The following BLK variants were observed in gnomAD, a reference collection of about 807,000 sequenced individuals.
The protein encoded by BLK is tyrosine-protein kinase Blk.
BLK carries 64 observed loss-of-function variants against 61.8 expected under a neutral mutation model. The observed-to-expected ratio is 1.03, with a 90% CI of 0.85 to 1.27. BLK has a LOEUF of 1.27. Among genes scored for constraint, BLK ranks in the 50% most tolerant of loss-of-function variants. The pLI, the probability that BLK is intolerant of heterozygous loss-of-function variation, is 0.00. For synonymous variants in BLK, 351 were observed against 272.0 expected (o/e 1.29, Z -2.86); for missense variants, 853 against 660.5 (o/e 1.29, Z -3.19).
rs142215566 is a variant in BLK, at chr8:11,513,476, T to A, written c.-2+18885T>A. Among the ~76,000 whole-genome samples the A allele has an allele frequency of 2.0e-3, 306 of 152,284 alleles. 3 individuals are homozygous for A. Among genetic ancestry groups the A allele is most frequent in the African/African-American group, 6.9e-3 (285 of 41,552 alleles). ...GACCATCTCCAGGCTGCACACTTTT[T>A]CTCTGCAGCTGTGAGCAGAGCCCAG... On this transcript the variant is annotated intron_variant, in intron 1 of 12. Transcript: ENST00000259089.
Position 11,524,342 on chromosome 8 carries a change from G to A in BLK, c.-1-18882G>A, listed in dbSNP as rs369910420. On this transcript the variant is annotated intron_variant, in intron 1 of 12. Transcript: ENST00000259089. Reference sequence around the variant, plus strand: ...ACAACGATTTTCCATTGGTGGTAGGGTTGTAACTGATTTTTTTTCCTTTGC... The same window carrying A: ...ACAACGATTTTCCATTGGTGGTAGGATTGTAACTGATTTTTTTTCCTTTGC... Among the ~76,000 whole-genome samples, 94 of 152,240 alleles carry A rather than the reference G, an allele frequency of 6.2e-4. No homozygotes were observed. In the South Asian group the frequency reaches 0.014, roughly 23 times the overall value.
chr8:11,520,437 A>G (rs1434269317), intron 1 of BLK, among the ~76,000 whole-genome samples: 3 of 138,412 alleles, frequency 2.2e-5, no homozygotes, highest in Non-Finnish European at 4.5e-5. Flanking sequence ...TGATCATGCC[A>G]CACACTTCCA....
chr8:11,515,030 C>A (rs1799167655), intron 1 of BLK, among the ~76,000 whole-genome samples: 1 of 152,180 alleles, frequency 6.6e-6, no homozygotes, highest in Admixed American at 6.5e-5. Flanking sequence ...CCCCGACAAG[C>A]TGCTGCTCTG....
chr8:11,519,365 C>G (rs1177041397), intron 1 of BLK, among the ~76,000 whole-genome samples: 2 of 152,096 alleles, frequency 1.3e-5, no homozygotes, highest in Non-Finnish European at 2.9e-5. Context: ...GGTATTGAAC[C>G]AAAGCAATTT....
At chr8:11,514,050 G>A (rs1475145963) in intron 1 of BLK, among the ~76,000 whole-genome samples, 5 of 152,188 alleles carry the variant, frequency 3.3e-5, no homozygotes, top group African/African-American at 1.2e-4. Context: ...TAATGACACA[G>A]GATCTGCCAA....
rs560258159 is a variant in BLK, at chr8:11,551,749, C to T, written c.472+1487C>T. Among the ~76,000 whole-genome samples the T allele has an allele frequency of 1.1e-4, 17 of 152,254 alleles. No individual in the cohort carries two copies. The South Asian group carries it at 3.3e-3, about 30-fold the overall frequency. On this transcript the variant is annotated intron_variant, in intron 6 of 12. Transcript: ENST00000259089. ...GAACCCTATTATGGTCCCTGGTGCT[C>T]ACTGGCCACTAGCTTTTCGTCTGTA...
chr8:11,519,567 T>G (rs76850265), intron 1 of BLK, among the ~76,000 whole-genome samples: 19 of 152,346 alleles, frequency 1.2e-4, no homozygotes, highest in Non-Finnish European at 2.8e-4. Context: ...ATACAAAAGT[T>G]TATGTACAGC....
chr8:11,559,564 C>T (rs1306878369), intron 10 of BLK, among the ~76,000 whole-genome samples: 1 of 152,176 alleles, frequency 6.6e-6, no homozygotes, highest in Non-Finnish European at 1.5e-5. Context: ...TGAGCAGACA[C>T]ACACCCGGCC....
intron 1 of BLK, among the ~76,000 whole-genome samples, chr8:11,524,366 G>A (rs1663311288): frequency 1.3e-5 from 2 of 151,818 alleles, no homozygotes; most frequent in African/African-American, 4.8e-5. Flanking sequence ...TTTTTCCTTT[G>A]CGTAGATGAG....
intron 1 of BLK, among the ~76,000 whole-genome samples, chr8:11,497,000 G>A (rs527429453): frequency 3.3e-5 from 5 of 152,204 alleles, no homozygotes; most frequent in East Asian, 1.9e-4. Flanking sequence ...CAGGGTTCAC[G>A]TGTATAGAGA....
At chr8:11,506,006 G>A (rs1157460426) in intron 1 of BLK, among the ~76,000 whole-genome samples, 1 of 152,216 alleles carries the variant, frequency 6.6e-6, no homozygotes, top group South Asian at 2.1e-4. Flanking sequence ...TCCCCGCCAG[G>A]CATGACAAAT....
In BLK at chr8:11,530,264, T is replaced by C. The variant is rs554052955; in HGVS notation, c.-1-12960T>C. Among the ~76,000 whole-genome samples the C allele has an allele frequency of 1.4e-4, 22 of 152,308 alleles. 1 individual carries two copies. The highest frequency in any genetic ancestry group is 5.3e-4 in the African/African-American group (22 of 41,566). ...TTGTGCCTGCAGATACTTGTATGAATTGGGTGAATTCCTTTCTTCTTGAGG... is the reference window on the plus strand; with the variant it reads ...TTGTGCCTGCAGATACTTGTATGAACTGGGTGAATTCCTTTCTTCTTGAGG... On this transcript the variant is annotated intron_variant, in intron 1 of 12. Coordinates refer to ENST00000259089, the MANE Select transcript of BLK (RefSeq NM_001715.3).
At chr8:11,522,091 C>T (rs1799474524) in intron 1 of BLK, among the ~76,000 whole-genome samples, 1 of 152,046 alleles carries the variant, frequency 6.6e-6, no homozygotes, top group Non-Finnish European at 1.5e-5. Flanking sequence ...TCTTTAACAT[C>T]GTTCAGTAAA....
intron 1 of BLK, among the ~76,000 whole-genome samples, chr8:11,516,730 AG>A (rs1374056345): frequency 9.2e-5 from 14 of 152,320 alleles, no homozygotes; most frequent in African/African-American, 3.4e-4. Context: ...AATGCCTTCA[AG>A]GCTCACCCAT....
At chr8:11,539,027 G>A (rs1800258633) in intron 1 of BLK, among the ~76,000 whole-genome samples, 1 of 152,044 alleles carries the variant, frequency 6.6e-6, no homozygotes, top group East Asian at 1.9e-4. Context: ...AAATACTTTG[G>A]TGGGACCTGC....
intron 1 of BLK, among the ~76,000 whole-genome samples, chr8:11,526,498 C>T (rs1799655848): frequency 6.6e-6 from 1 of 152,184 alleles, no homozygotes; most frequent in South Asian, 2.1e-4. Flanking sequence ...GCGGGTGGGT[C>T]ACCTGAGGTC....
In BLK at chr8:11,543,290, A is replaced by G. The variant is rs145993253; in HGVS notation, c.66A>G (p.Gln22=). ...CGATCAAAGAGAAGGACAAGGGCCA[A>G]TGGAGCCCCCTGAAGGTCAGCGCCC... The part of the protein sequence containing the change: ...EKPIKEKDKG[Q]WSPLKVSAQD... The change falls in exon 2 of 13, where the codon CAA becomes CAG. Residue 22 remains glutamine, a synonymous_variant. Coordinates refer to ENST00000259089, the MANE Select transcript of BLK (RefSeq NM_001715.3). 12 of 1,613,858 alleles carry G rather than the reference A, an allele frequency of 7.4e-6. No individual in the cohort carries two copies. The highest frequency in any genetic ancestry group is 4.5e-5 in the East Asian group (2 of 44,884).
At chr8:11,517,750 C>T (rs1799283723) in intron 1 of BLK, among the ~76,000 whole-genome samples, 4 of 152,184 alleles carry the variant, frequency 2.6e-5, no homozygotes, top group Admixed American at 2.0e-4. Context: ...GGCTGCTGAA[C>T]GCACCTGAGG....
At chr8:11,495,880 C>G (rs1405901471) in intron 1 of BLK, among the ~76,000 whole-genome samples, 1 of 152,146 alleles carries the variant, frequency 6.6e-6, no homozygotes, top group East Asian at 1.9e-4. Context: ...TTAGAAGAAC[C>G]TGGTGAAGGA....
Sources: gnomAD v4.1 joint callset for allele counts (sites outside exome capture counted in the v4.1 genomes callset) on GRCh38, gnomAD v4.1.1 for gene constraint, MANE v1.5 for transcripts, NCBI Gene and HGNC (gene_info 2026-07-23, HGNC 2026-07-21) for gene names.